Variants in ATRNL1 observed in about 807,000 individuals in gnomAD.
ATRNL1 encodes the protein attractin like 1, also known as attractin-like protein 1.
A neutral mutation model predicts 182.7 loss-of-function variants in ATRNL1; 95 were observed. The ratio of observed to expected loss-of-function variants is 0.52; its 90% CI spans 0.44 to 0.62. ATRNL1 has a LOEUF of 0.62. ATRNL1 is among the 20% of genes least tolerant of loss of function. ATRNL1 has a pLI of 0.00. For missense variants in ATRNL1, 1,471 were observed against 1,679.5 expected (o/e 0.88, Z 2.17); for synonymous variants, 576 against 568.3 (o/e 1.01, Z -0.19).
chr10:115,774,194 G>A (rs1055977179), intron 27 of ATRNL1, among the ~76,000 whole-genome samples: 1 of 151,944 alleles, frequency 6.6e-6, no homozygotes, highest in Non-Finnish European at 1.5e-5. Flanking sequence ...TTGGGAGGCC[G>A]AGGCGGGCAG....
chr10:115,696,459 T>C (rs976659722), intron 26 of ATRNL1, among the ~76,000 whole-genome samples: 6 of 152,112 alleles, frequency 3.9e-5, no homozygotes, highest in Non-Finnish European at 7.4e-5. Flanking sequence ...AACAGAGAGA[T>C]ACCCTGTCTC....
intron 26 of ATRNL1, among the ~76,000 whole-genome samples, chr10:115,598,369 A>T (rs1555014869): frequency 6.6e-6 from 1 of 150,428 alleles, no homozygotes; most frequent in East Asian, 1.9e-4. Flanking sequence ...TTATTTATTT[A>T]TTTATTTATT....
chr10:115,121,377 C>T (rs1033881749), intron 2 of ATRNL1, among the ~76,000 whole-genome samples: 4 of 152,068 alleles, frequency 2.6e-5, no homozygotes, highest in Non-Finnish European at 5.9e-5. Flanking sequence ...CCCAAAGTGC[C>T]GGGATTACAG....
chr10:115,667,224 C>A (rs1465485893), intron 26 of ATRNL1, among the ~76,000 whole-genome samples: 4 of 152,132 alleles, frequency 2.6e-5, no homozygotes, highest in African/African-American at 9.7e-5. Context: ...TTGTCTCCCA[C>A]TCCCTTCTAA....
chr10:115,338,880 T>C (rs1554937478), intron 19 of ATRNL1, among the ~76,000 whole-genome samples: 1 of 152,212 alleles, frequency 6.6e-6, no homozygotes, highest in Non-Finnish European at 1.5e-5. Flanking sequence ...TTTAAGTCTT[T>C]ATACCATATG....
intron 14 of ATRNL1, among the ~76,000 whole-genome samples, chr10:115,283,435 C>G (rs1852464653): frequency 6.6e-6 from 1 of 152,016 alleles, no homozygotes; most frequent in Non-Finnish European, 1.5e-5. Flanking sequence ...AACAAACAAA[C>G]ACACCATTGA....
chr10:115,187,692 T>TTTTTTTCC (rs1847999749), intron 8 of ATRNL1, among the ~76,000 whole-genome samples: 1 of 137,818 alleles, frequency 7.3e-6, no homozygotes, highest in African/African-American at 2.9e-5. Context: ...TTTTTTTTTC[T>TTTTTTTCC]TTTTTCTTTT....
intron 11 of ATRNL1, among the ~76,000 whole-genome samples, chr10:115,266,174 T>C (rs914077279): frequency 6.6e-6 from 1 of 151,930 alleles, no homozygotes; most frequent in East Asian, 1.9e-4. Flanking sequence ...ATGAAAAATA[T>C]GCTGTTTTAA....
rs578179938 is a variant in ATRNL1, at chr10:115,739,539, G to A, written c.3903+12184G>A. On this transcript the variant is annotated intron_variant, in intron 27 of 28. Coordinates refer to ENST00000355044, the MANE Select transcript of ATRNL1 (RefSeq NM_207303.4). ...GGCAGATTGTATCTCCTGCACCCAA[G>A]AACATTCCACAATCTATGAAACACA... is the stretch of plus-strand genomic sequence containing the variant. Among the ~76,000 whole-genome samples the A allele has an allele frequency of 4.6e-5, 7 of 152,244 alleles. No homozygotes were observed. In the South Asian group the frequency reaches 1.5e-3, roughly 32 times the overall value.
chr10:115,561,704 G>GGTGTGTGTGTGT (rs71010029), intron 26 of ATRNL1, among the ~76,000 whole-genome samples: 2,889 of 145,002 alleles, frequency 0.02, 94 homozygotes, highest in African/African-American at 0.069. Flanking sequence ...TGTGTGTGTG[G>GGTGTGTGTGTGT]GTGTGTGTGT....
chr10:115,636,404 G>A (rs1421622218), intron 26 of ATRNL1, among the ~76,000 whole-genome samples: 2 of 152,160 alleles, frequency 1.3e-5, no homozygotes, highest in Non-Finnish European at 2.9e-5. Flanking sequence ...ACCAGTGGGA[G>A]CTGCAGAGGC....
chr10:115,501,995 CA>C (rs1849866226), intron 24 of ATRNL1, among the ~76,000 whole-genome samples: 3 of 150,128 alleles, frequency 2.0e-5, no homozygotes, highest in African/African-American at 4.8e-5. Context: ...TAAAAGAAGA[CA>C]ACAATTGTCC....
chr10:115,374,469 C>CTTCCTTCT (rs1178227393), intron 19 of ATRNL1, among the ~76,000 whole-genome samples: 6 of 146,396 alleles, frequency 4.1e-5, no homozygotes, highest in African/African-American at 1.5e-4. Context: ...TCCTTCCTTC[C>CTTCCTTCT]TTCCTTCCTT....
chr10:115,316,475 G>A (rs1396966471), intron 18 of ATRNL1, among the ~76,000 whole-genome samples: 1 of 152,110 alleles, frequency 6.6e-6, no homozygotes, highest in Non-Finnish European at 1.5e-5. Context: ...TACATACCCA[G>A]TAATAGGATT....
rs1554898093 is a variant in ATRNL1 at position 115,224,082 on chromosome 10, T to C, written c.1532+8202T>C. On this transcript the variant is annotated intron_variant, in intron 9 of 28. Coordinates refer to ENST00000355044, the MANE Select transcript of ATRNL1 (RefSeq NM_207303.4). ...TCCTGAGTAGCTGGGACTACAGGCA[T>C]GTGCCACCACGCCTGGCAATTTTTT... Among the ~76,000 whole-genome samples, 5 of 151,306 alleles carry C rather than the reference T, an allele frequency of 3.3e-5. No homozygotes were observed. The South Asian group carries it at 1.0e-3, about 32-fold the overall frequency.
chr10:115,366,727 C>A (rs1333190019), intron 19 of ATRNL1, among the ~76,000 whole-genome samples: 2 of 151,782 alleles, frequency 1.3e-5, no homozygotes, highest in Non-Finnish European at 2.9e-5. Context: ...GTGACAAAAT[C>A]GGTTAGCATT....
intron 10 of ATRNL1, among the ~76,000 whole-genome samples, chr10:115,249,800 ATTTG>A (rs571791174): frequency 1.1e-3 from 173 of 151,974 alleles, no homozygotes; most frequent in Non-Finnish European, 2.2e-3. Context: ...ATTTGCTTTA[ATTTG>A]TTTGGCCTTG....
At chr10:115,296,634 T>C (rs1853206086) in intron 15 of ATRNL1, among the ~76,000 whole-genome samples, 1 of 152,184 alleles carries the variant, frequency 6.6e-6, no homozygotes, top group Admixed American at 6.5e-5. Flanking sequence ...TTTATAAATA[T>C]TAAAATATTT....
intron 27 of ATRNL1, among the ~76,000 whole-genome samples, chr10:115,826,937 C>T (rs1217319446): frequency 6.6e-6 from 1 of 152,158 alleles, no homozygotes; most frequent in Admixed American, 6.5e-5. Flanking sequence ...TCAGAGGATC[C>T]TTGGCTTGTA....
Sources: gnomAD v4.1 joint callset for allele counts (sites outside exome capture counted in the v4.1 genomes callset) on GRCh38, gnomAD v4.1.1 for gene constraint, MANE v1.5 for transcripts, NCBI Gene and HGNC (gene_info 2026-07-23, HGNC 2026-07-21) for gene names.